RGS17: variants seen among roughly 807,000 people sequenced by gnomAD.
RGS17 encodes the protein regulator of G-protein signaling 17.
In RGS17, 12 loss-of-function variants were observed where a neutral mutation model predicts 25.5. The ratio of observed to expected loss-of-function variants is 0.47; its 90% CI spans 0.30 to 0.76. The LOEUF (loss-of-function observed/expected upper bound fraction) is 0.76. RGS17 is among the 30% of genes least tolerant of loss of function. The pLI, the probability that RGS17 is intolerant of heterozygous loss-of-function variation, is 0.07. For missense variants in RGS17, 196 were observed against 242.2 expected, an observed-to-expected ratio of 0.81 and a Z score of 1.27; for synonymous variants, 71 against 76.9, an observed-to-expected ratio of 0.92 and a Z score of 0.40.
intron 1 of RGS17, among the ~76,000 whole-genome samples, chr6:153,084,439 G>T (rs541062564): frequency 6.6e-6 from 1 of 152,254 alleles, no homozygotes; most frequent in African/African-American, 2.4e-5. Context: ...GAGAAGGTCT[G>T]GGCTGTTAAC....
chr6:153,035,723 A>G (rs1355787406), intron 2 of RGS17, among the ~76,000 whole-genome samples: 1 of 152,228 alleles, frequency 6.6e-6, no homozygotes, highest in Admixed American at 6.5e-5. Context: ...GCCTTGGAAA[A>G]TGAATAATTT....
rs113313829 is a variant in RGS17 at position 153,049,123 on chromosome 6, C to T, written c.-25-5080G>A. ...ATTGGAAAAGAAAATACAAACTTTA[C>T]TATTTACAAATGATATGGTTATCAA... On this transcript the variant is annotated intron_variant, in intron 1 of 4. Transcript: ENST00000206262. Among the ~76,000 whole-genome samples, 182 of 152,216 alleles carry T rather than the reference C, an allele frequency of 1.2e-3. 1 individual carries two copies. The highest frequency in any genetic ancestry group is 1.7e-3 in the Non-Finnish European group (113 of 67,998).
intron 1 of RGS17, among the ~76,000 whole-genome samples, chr6:153,045,433 C>T (rs1776374386): frequency 6.6e-6 from 1 of 152,170 alleles, no homozygotes; most frequent in Non-Finnish European, 1.5e-5. Flanking sequence ...GCAGAGAAAG[C>T]CATCCAGATC....
rs1779051307 is a variant in RGS17, at chr6:153,004,467, T to G, written c.*7107A>C. 6.6e-6 allele frequency: 1 copy of G among 152,232 alleles called. No homozygotes were observed. The highest frequency in any genetic ancestry group is 1.5e-5 in the Non-Finnish European group (1 of 68,030). 9.4% of individuals were successfully genotyped at this position (152,232 alleles called of 1,614,324 possible). On this transcript the variant is annotated 3_prime_UTR_variant, in exon 5 of 5. Coordinates refer to ENST00000206262, the MANE Select transcript of RGS17 (RefSeq NM_012419.5). ...CAGTAACTTTCTAAGGATACATTGT[T>G]GAATTCTTTATTAATTCAAAACATT...
chr6:153,060,809 G>C (rs909942075), intron 1 of RGS17, among the ~76,000 whole-genome samples: 1 of 151,194 alleles, frequency 6.6e-6, no homozygotes, highest in African/African-American at 2.4e-5. Flanking sequence ...AATCTATCTT[G>C]CAGTGATATT....
At chr6:153,125,250 C>T (rs986502783) in intron 1 of RGS17, among the ~76,000 whole-genome samples, 2 of 152,224 alleles carry the variant, frequency 1.3e-5, no homozygotes, top group African/African-American at 4.8e-5. Flanking sequence ...TTGTGAACCA[C>T]AATCATTGAC....
intron 1 of RGS17, among the ~76,000 whole-genome samples, chr6:153,079,497 C>T (rs563181944): frequency 2.6e-5 from 4 of 152,282 alleles, no homozygotes; most frequent in South Asian, 4.1e-4. Context: ...TTCTACTTTG[C>T]TAATTTCTTT....
Position 153,024,260 on chromosome 6 carries a change from A to G in RGS17, c.444+2T>C, listed in dbSNP as rs778566827. ...CCACCTCAATGTTTTCCAGATTTTTACCTCTTTTGGTGATAGTATAGAAAT... is the reference window on the plus strand; with the variant it reads ...CCACCTCAATGTTTTCCAGATTTTTGCCTCTTTTGGTGATAGTATAGAAAT... On this transcript the variant is annotated splice_donor_variant, in intron 4 of 4. Transcript: ENST00000206262. LOFTEE classifies it high-confidence loss of function. The G allele has an allele frequency of 6.3e-7, 1 of 1,594,456 alleles. No individual in the cohort carries two copies. Among genetic ancestry groups the G allele is most frequent in the Non-Finnish European group, 8.6e-7 (1 of 1,164,316 alleles).
At chr6:153,054,118 A>ATG in intron 1 of RGS17, among the ~76,000 whole-genome samples, 4 of 118,032 alleles carry the variant, frequency 3.4e-5, no homozygotes, top group Non-Finnish European at 7.1e-5. Context: ...ATATATGTGT[A>ATG]TATATATATA....
intron 1 of RGS17, among the ~76,000 whole-genome samples, chr6:153,086,242 G>T (rs1777051869): frequency 6.6e-6 from 1 of 152,032 alleles, no homozygotes; most frequent in Non-Finnish European, 1.5e-5. Context: ...TTGATTTTTG[G>T]AACTAATGAT....
Position 153,044,044 on chromosome 6 carries a change from C to A in RGS17, c.-25-1G>T, listed in dbSNP as rs771675613. The A allele has an allele frequency of 6.7e-7, 1 of 1,482,276 alleles. No individual in the cohort carries two copies. Among genetic ancestry groups the A allele is most frequent in the Non-Finnish European group, 9.4e-7 (1 of 1,065,214 alleles). The allele number at this position is 1,482,276 out of a possible 1,614,324, so 91.8% of individuals were successfully genotyped here. ...TTCAGCTACTTCAGGACCCAGTTGG[C>A]TGAAAGAGATAAAACAAAAAATTGG... On this transcript the variant is annotated splice_acceptor_variant, in intron 1 of 4. Coordinates refer to ENST00000206262, the MANE Select transcript of RGS17 (RefSeq NM_012419.5). LOFTEE classifies it low-confidence loss of function (5UTR_SPLICE).
intron 1 of RGS17, among the ~76,000 whole-genome samples, chr6:153,106,175 G>C (rs939524045): frequency 2.0e-5 from 3 of 152,014 alleles, no homozygotes; most frequent in Non-Finnish European, 2.9e-5. Flanking sequence ...AAGAGTATGA[G>C]AAGGAAAGGG....
At chr6:153,057,899 C>T (rs1037590416) in intron 1 of RGS17, among the ~76,000 whole-genome samples, 14 of 152,136 alleles carry the variant, frequency 9.2e-5, no homozygotes, top group African/African-American at 2.9e-4. Flanking sequence ...GCTGATTTGA[C>T]GGGAGGCAGA....
chr6:153,035,226 T>TA (rs1562316606), intron 2 of RGS17, among the ~76,000 whole-genome samples: 1 of 152,008 alleles, frequency 6.6e-6, no homozygotes, highest in African/African-American at 2.4e-5. Context: ...TAGGAACAGA[T>TA]ATTCCCATGC....
chr6:153,037,246 TA>T lies in RGS17; in HGVS notation c.119+6653del, dbSNP rs1196516478. ...CAGGAGCATGAAGAAAAATGGTGCA[TA>T]AAAAAAAATCTGGTGGCCTGGGAGA... On this transcript the variant is annotated intron_variant, in intron 2 of 4. Coordinates refer to ENST00000206262, the MANE Select transcript of RGS17 (RefSeq NM_012419.5). Among the ~76,000 whole-genome samples, 9 of 149,222 alleles carry T rather than the reference TA, an allele frequency of 6.0e-5. No homozygotes were observed. In the South Asian group the frequency reaches 8.5e-4, roughly 14 times the overall value.
intron 1 of RGS17, among the ~76,000 whole-genome samples, chr6:153,065,552 C>T (rs1173015116): frequency 6.6e-6 from 1 of 152,076 alleles, no homozygotes; most frequent in Non-Finnish European, 1.5e-5. Context: ...AGTCTTAAAA[C>T]ATTAAAAAAC....
At chr6:153,090,830 A>G (rs1191135637) in intron 1 of RGS17, among the ~76,000 whole-genome samples, 1 of 145,146 alleles carries the variant, frequency 6.9e-6, no homozygotes, top group Non-Finnish European at 1.5e-5. Context: ...CAGCACATAC[A>G]GGGTTCAGTA....
chr6:153,054,029 A>T (rs1422719392), intron 1 of RGS17, among the ~76,000 whole-genome samples: 5,892 of 68,326 alleles, frequency 0.086, 1,222 homozygotes, highest in Admixed American at 0.16. Flanking sequence ...TATATAATAT[A>T]TATACATATA....
chr6:153,039,612 A>C (rs1562317735), intron 2 of RGS17, among the ~76,000 whole-genome samples: 1 of 152,246 alleles, frequency 6.6e-6, no homozygotes, highest in East Asian at 1.9e-4. Context: ...TTAGTACCTG[A>C]AGATTTTATG....
Sources: gnomAD v4.1 joint callset for allele counts (sites outside exome capture counted in the v4.1 genomes callset) on GRCh38, gnomAD v4.1.1 for gene constraint, MANE v1.5 for transcripts, NCBI Gene and HGNC (gene_info 2026-07-23, HGNC 2026-07-21) for gene names.